Variants in SLC23A2 observed in about 807,000 individuals in gnomAD.
SLC23A2 encodes the protein Na(+)/L-ascorbic acid transporter 2.
In SLC23A2, 36 loss-of-function variants were observed where a neutral mutation model predicts 73.3. The observed-to-expected ratio is 0.49, with a 90% CI of 0.38 to 0.65. The LOEUF (loss-of-function observed/expected upper bound fraction) is 0.65. SLC23A2 is among the 30% of genes least tolerant of loss of function. The pLI, the probability that SLC23A2 is intolerant of heterozygous loss-of-function variation, is 0.00. For synonymous variants in SLC23A2, 343 were observed against 327.3 expected, an observed-to-expected ratio of 1.05 and a Z score of -0.52; for missense variants, 507 against 841.6, an observed-to-expected ratio of 0.60 and a Z score of 4.92.
intron 2 of SLC23A2, among the ~76,000 whole-genome samples, chr20:4,946,639 C>G (rs2087123000): frequency 1.3e-5 from 2 of 152,208 alleles, no homozygotes; most frequent in African/African-American, 4.8e-5. Flanking sequence ...CAGACAAGCT[C>G]TAGTCCCAAA....
intron 12 of SLC23A2, chr20:4,869,007 T>C (rs1930316767): frequency 6.6e-6 from 1 of 152,260 alleles, no homozygotes. Flanking sequence ...ACCTGGGGCA[T>C]ACTGCCTGCT....
At position 4,902,584 on chromosome 20, in the gene SLC23A2, G is replaced by A. The variant is rs748663692; in HGVS notation, c.208-26C>T. 10 of 1,401,362 alleles carry A rather than the reference G, an allele frequency of 7.1e-6. No homozygotes were observed. The South Asian group carries it at 1.1e-4, about 15-fold the overall frequency. The allele number at this position is 1,401,362 out of a possible 1,614,324, so 86.8% of individuals were successfully genotyped here. ...CTGCGAGCCAGAAGGAGAAAAGAAG[G>A]TGCTCATTAAACGTGAAGACCAGTG... On this transcript the variant is annotated intron_variant, in intron 4 of 16. Coordinates refer to ENST00000338244, the MANE Select transcript of SLC23A2 (RefSeq NM_005116.6). The surrounding 1 kb of genome is among the most constrained non-coding windows in gnomAD (Gnocchi z 4.0).
rs1932214916 is a variant in SLC23A2 at position 4,913,083 on chromosome 20, T to C, written c.109-105A>G. 3.9e-6 allele frequency: 3 copies of C among 760,900 alleles called. No homozygotes were observed. The South Asian group carries it at 4.5e-5, about 11-fold the overall frequency. The allele number at this position is 760,900 out of a possible 1,614,324, so 47.1% of individuals were successfully genotyped here. On this transcript the variant is annotated intron_variant, in intron 3 of 16. Coordinates refer to ENST00000338244, the MANE Select transcript of SLC23A2 (RefSeq NM_005116.6). Reference sequence around the variant, plus strand: ...GGTGAGTGCATGACCAGGCATGGTTTTGATGGAGAAACATACTCCATGTAC... The same window carrying C: ...GGTGAGTGCATGACCAGGCATGGTTCTGATGGAGAAACATACTCCATGTAC...
intron 6 of SLC23A2, among the ~76,000 whole-genome samples, chr20:4,898,651 A>G (rs1715377): frequency 0.81 from 123,510 of 152,192 alleles, 50,327 homozygotes; most frequent in Non-Finnish European, 0.83. Flanking sequence ...AGAGGAAAAG[A>G]CAAGCTTGCA....
intron 3 of SLC23A2, among the ~76,000 whole-genome samples, chr20:4,913,952 C>T (rs1287089478): frequency 1.3e-5 from 2 of 151,928 alleles, no homozygotes; most frequent in African/African-American, 4.8e-5. Context: ...AGGCCACTGA[C>T]ACCCAGAATA....
chr20:4,923,155 C>A (rs1335317862), intron 3 of SLC23A2, among the ~76,000 whole-genome samples: 1 of 151,478 alleles, frequency 6.6e-6, no homozygotes, highest in South Asian at 2.1e-4. Context: ...GCCTGTAATC[C>A]CAGCACTTTG....
intron 6 of SLC23A2, among the ~76,000 whole-genome samples, chr20:4,887,621 A>G (rs1931153538): frequency 2.0e-5 from 3 of 152,206 alleles, no homozygotes; most frequent in Admixed American, 1.3e-4. Context: ...TTGGTGGCTT[A>G]ACTAGGACTA....
At chr20:4,934,969 C>T (rs1309060389) in intron 2 of SLC23A2, among the ~76,000 whole-genome samples, 1 of 151,690 alleles carries the variant, frequency 6.6e-6, no homozygotes, top group Non-Finnish European at 1.5e-5. Context: ...GGGCAGATCA[C>T]AAGGTCAGGA....
At chr20:4,866,865 G>A (rs1930219954) in intron 13 of SLC23A2, among the ~76,000 whole-genome samples, 1 of 152,054 alleles carries the variant, frequency 6.6e-6, no homozygotes, top group Admixed American at 6.5e-5. Context: ...TCCTCAGTGA[G>A]GGAGACCTGT....
chr20:4,905,434 C>T (rs1211761260), intron 4 of SLC23A2, among the ~76,000 whole-genome samples: 1 of 152,170 alleles, frequency 6.6e-6, no homozygotes. Flanking sequence ...AAACTATGAG[C>T]TATTTTAAAT....
At chr20:4,944,965 G>C (rs1256549511) in intron 2 of SLC23A2, among the ~76,000 whole-genome samples, 2 of 151,212 alleles carry the variant, frequency 1.3e-5, no homozygotes, top group Non-Finnish European at 2.9e-5. Context: ...TGTAGGTGTG[G>C]TGAGGGCTAG....
At chr20:4,962,259 A>C (rs2087404593) in intron 2 of SLC23A2, among the ~76,000 whole-genome samples, 1 of 151,768 alleles carries the variant, frequency 6.6e-6, no homozygotes, top group African/African-American at 2.4e-5. Flanking sequence ...GCCCCAAAAA[A>C]ACAGAATAGT....
intron 11 of SLC23A2, among the ~76,000 whole-genome samples, chr20:4,873,714 G>C (rs182061489): frequency 6.6e-6 from 1 of 152,332 alleles, no homozygotes; most frequent in African/African-American, 2.4e-5. Flanking sequence ...ATCCAAAAGA[G>C]ACAGCTCGCT....
intron 2 of SLC23A2, among the ~76,000 whole-genome samples, chr20:4,966,532 A>G (rs979171275): frequency 4.6e-5 from 7 of 152,200 alleles, no homozygotes; most frequent in Non-Finnish European, 1.0e-4. Context: ...GAAAATAAAA[A>G]AGAATGCAAA....
intron 6 of SLC23A2, among the ~76,000 whole-genome samples, chr20:4,889,655 C>CG (rs1313086978): frequency 6.6e-6 from 1 of 151,668 alleles, no homozygotes; most frequent in Non-Finnish European, 1.5e-5. Flanking sequence ...CTCCCTTCCT[C>CG]GGGCTGCTGC....
intron 2 of SLC23A2, among the ~76,000 whole-genome samples, chr20:4,934,976 A>G (rs146263919): frequency 0.02 from 2,973 of 152,108 alleles, 106 homozygotes; most frequent in African/African-American, 0.068. Context: ...TCACAAGGTC[A>G]GGAGATTGAG....
At position 4,884,764 on chromosome 20, in the gene SLC23A2, G is replaced by T; in HGVS notation, c.631C>A (p.Arg211=). 6.2e-7 allele frequency: 1 copy of T among 1,608,366 alleles called. No homozygotes were observed. The highest frequency in any genetic ancestry group is 1.1e-5 in the South Asian group (1 of 90,416). The change falls in exon 8 of 17, where the codon CGG becomes AGG. Residue 211 remains arginine (R), a synonymous_variant. Transcript: ENST00000338244. ...LLHTEHIWYP[R]IREIQGAIIM... ...CGCTTGTCTTTTACCTCTCGGATCC[G>T]GGGATACCAGATGTGTTCTGTGTGC...
At chr20:4,901,842 A>G (rs927351568) in intron 5 of SLC23A2, among the ~76,000 whole-genome samples, 1 of 152,100 alleles carries the variant, frequency 6.6e-6, no homozygotes, top group Non-Finnish European at 1.5e-5. Flanking sequence ...TCTTTTCTCT[A>G]TTCTTCAACT....
chr20:4,993,410 G>GAAAAAAAAAAAAAAAAA (rs3055956), intron 1 of SLC23A2, among the ~76,000 whole-genome samples: 16 of 121,498 alleles, frequency 1.3e-4, no homozygotes, highest in African/African-American at 4.6e-4. Context: ...GCCAAAATCC[G>GAAAAAAAAAAAAAAAAA]AAAAAAAAAA....
Sources: gnomAD v4.1 joint callset for allele counts (sites outside exome capture counted in the v4.1 genomes callset) on GRCh38, gnomAD v4.1.1 for gene constraint, Gnocchi (gnomAD v3.1) non-coding constraint, MANE v1.5 for transcripts, NCBI Gene and HGNC (gene_info 2026-07-23, HGNC 2026-07-21) for gene names.